The following RERE variants were observed in gnomAD, a reference collection of about 807,000 sequenced individuals.
RERE encodes arginine-glutamic acid dipeptide repeats protein.
A neutral mutation model predicts 146.1 loss-of-function variants in RERE; 40 were observed. That is an observed-to-expected ratio of 0.27 (90% CI 0.21 to 0.36). RERE has a LOEUF of 0.36. Among genes scored for constraint, RERE ranks in the 10% least tolerant of loss-of-function variants. RERE has a pLI of 1.00. For missense variants in RERE, 1,933 were observed against 2,138.7 expected (o/e 0.90, Z 1.90); for synonymous variants, 1,003 against 866.0 (o/e 1.16, Z -2.78).
chr1:8,715,783 A>G (rs1639752962), intron 1 of RERE, among the ~76,000 whole-genome samples: 1 of 152,010 alleles, frequency 6.6e-6, no homozygotes, highest in African/African-American at 2.4e-5. Context: ...GCGTGCCTAT[A>G]ATCCCAGCTA....
chr1:8,400,163 TAATATA>T (rs934722458), intron 12 of RERE, among the ~76,000 whole-genome samples: 4 of 150,270 alleles, frequency 2.7e-5, no homozygotes, highest in East Asian at 1.9e-4. Context: ...TCTACATTTT[TAATATA>T]AATATATCAC....
intron 6 of RERE, among the ~76,000 whole-genome samples, chr1:8,553,370 A>G (rs1036241301): frequency 6.6e-6 from 1 of 150,438 alleles, no homozygotes; most frequent in Non-Finnish European, 1.5e-5. Flanking sequence ...ACACACGTAA[A>G]ATTGCACCAT....
Position 8,508,581 on chromosome 1 carries a change from A to G in RERE, c.879+46T>C, listed in dbSNP as rs1397787618. Reference sequence around the variant, plus strand: ...AACAGAATAAAGTGCCAGCAGAGTAATAAGAAACAAAAACCTATTAAGGAA... The same window carrying G: ...AACAGAATAAAGTGCCAGCAGAGTAGTAAGAAACAAAAACCTATTAAGGAA... On this transcript the variant is annotated intron_variant, in intron 8 of 22. Coordinates refer to ENST00000400908, the MANE Select transcript of RERE (RefSeq NM_001042681.2). 5.7e-6 allele frequency: 8 copies of G among 1,402,016 alleles called. No homozygotes were observed. In the African/African-American group the frequency reaches 7.1e-5, roughly 13 times the overall value. 86.8% of individuals were successfully genotyped at this position (1,402,016 alleles called of 1,614,324 possible). A position where few individuals can be genotyped will look rare whatever the true frequency, so the allele number is the denominator to read the frequency against.
At chr1:8,721,560 T>A (rs1002058719) in intron 1 of RERE, among the ~76,000 whole-genome samples, 1 of 152,072 alleles carries the variant, frequency 6.6e-6, no homozygotes, top group African/African-American at 2.4e-5. Context: ...GGGATCTGCC[T>A]GCCTCAGCCT....
chr1:8,483,851 C>A (rs971886089), intron 10 of RERE, among the ~76,000 whole-genome samples: 1 of 152,180 alleles, frequency 6.6e-6, no homozygotes, highest in Non-Finnish European at 1.5e-5. Flanking sequence ...ATCCAAACGT[C>A]TAAAAGCCAC....
At chr1:8,474,147 G>A (rs995162304) in intron 10 of RERE, among the ~76,000 whole-genome samples, 4 of 152,184 alleles carry the variant, frequency 2.6e-5, no homozygotes, top group African/African-American at 9.7e-5. Flanking sequence ...CTTCTCGAAA[G>A]AATAAATAAT....
chr1:8,817,234 C>T lies in RERE; in HGVS notation c.-219G>A, dbSNP rs929608608. 41 of 152,164 alleles carry T rather than the reference C, an allele frequency of 2.7e-4. No individual in the cohort carries two copies. The Middle Eastern group carries it at 0.01, about 38-fold the overall frequency. The allele number at this position is 152,164 out of a possible 1,614,324, so 9.4% of individuals were successfully genotyped here. ...TCCGGGGAAAGTGGCGGGGATGGGG[C>T]GGGAGGCCGCGCGGAGGCTGCGGGG... is the stretch of plus-strand genomic sequence containing the variant. On this transcript the variant is annotated 5_prime_UTR_variant, in exon 1 of 23. Coordinates refer to ENST00000400908, the MANE Select transcript of RERE (RefSeq NM_001042681.2).
At chr1:8,629,694 T>C (rs922019893) in intron 2 of RERE, among the ~76,000 whole-genome samples, 2 of 152,142 alleles carry the variant, frequency 1.3e-5, no homozygotes, top group African/African-American at 4.8e-5. Flanking sequence ...CCCACTAATT[T>C]AGCAAGCAGT....
chr1:8,500,057 G>A (rs1645108972), intron 8 of RERE, among the ~76,000 whole-genome samples: 1 of 152,170 alleles, frequency 6.6e-6, no homozygotes, highest in Non-Finnish European at 1.5e-5. Context: ...GGAGGCGGAG[G>A]TTCCCGTGAG....
chr1:8,353,973 A>G lies in RERE; in HGVS notation c.*1114T>C, dbSNP rs954779713. On this transcript the variant is annotated 3_prime_UTR_variant, in exon 23 of 23. Coordinates refer to ENST00000400908, the MANE Select transcript of RERE (RefSeq NM_001042681.2). ...CTTCTAACACATCCCTTTGGCAGGC[A>G]TATGTCCTGGGTCACTTGTGTGCTG... 10 of 152,638 alleles carry G rather than the reference A, an allele frequency of 6.6e-5. No homozygotes were observed. The highest frequency in any genetic ancestry group is 3.9e-4 in the Admixed American group (6 of 15,278). The allele number at this position is 152,638 out of a possible 1,614,324, so 9.5% of individuals were successfully genotyped here. A position where few individuals can be genotyped will look rare whatever the true frequency, so the allele number is the denominator to read the frequency against.
rs749426617 is a variant in RERE at position 8,655,951 on chromosome 1, A to C, written c.325+22T>G. 1.9e-6 allele frequency: 3 copies of C among 1,606,926 alleles called. No individual in the cohort carries two copies. In the South Asian group the frequency reaches 3.3e-5, roughly 18 times the overall value. On this transcript the variant is annotated intron_variant, in intron 2 of 22. Transcript: ENST00000400908. ...TTCCCCCACTGTAAACATTGGCAAG[A>C]CCCAAACGTAAGGCTCCTTACCTCC...
intron 11 of RERE, among the ~76,000 whole-genome samples, chr1:8,462,016 T>C (rs960193368): frequency 6.6e-6 from 1 of 152,120 alleles, no homozygotes; most frequent in African/African-American, 2.4e-5. Flanking sequence ...AGCTATTTTA[T>C]TATGTTTTTA....
intron 7 of RERE, among the ~76,000 whole-genome samples, chr1:8,538,596 C>A (rs1645757709): frequency 1.3e-5 from 2 of 152,222 alleles, no homozygotes; most frequent in Admixed American, 6.5e-5. Flanking sequence ...AGCTCCACTG[C>A]TGCAAATGTC....
In RERE at chr1:8,364,235, C is replaced by T. The variant is rs1641710870; in HGVS notation, c.1561G>A (p.Gly521Arg). 1.2e-6 allele frequency: 2 copies of T among 1,614,042 alleles called. No individual in the cohort carries two copies. Among genetic ancestry groups the T allele is most frequent in the Non-Finnish European group, 8.5e-7 (1 of 1,180,038 alleles). The change falls in exon 15 of 23, where the codon GGA becomes AGA. Residue 521 changes from glycine to arginine, a missense_variant. By Grantham distance (125) the Gly-to-Arg change is moderately radical (BLOSUM62 -2). Coordinates refer to ENST00000400908, the MANE Select transcript of RERE (RefSeq NM_001042681.2). This position sits in a 1 kb window ranked among gnomAD's most constrained non-coding sequence, Gnocchi z 5.1. ...CAAAGCAGGATGTTCTCCCGGCCTC[C>T]GTGGTGCCAATCTTTGGAGGCTGTG... is the stretch of plus-strand genomic sequence containing the variant. ...FTTTSKDWHH[G>R]GRENILLCTD...
intron 7 of RERE, among the ~76,000 whole-genome samples, chr1:8,521,176 CA>C (rs36115526): frequency 8.8e-4 from 97 of 109,948 alleles, no homozygotes; most frequent in Middle Eastern, 0.011. Flanking sequence ...TTCTTTTTTT[CA>C]AAAAAAAAAA....
At chr1:8,522,932 T>C (rs1352023194) in intron 7 of RERE, among the ~76,000 whole-genome samples, 1 of 151,388 alleles carries the variant, frequency 6.6e-6, no homozygotes, top group African/African-American at 2.4e-5. Flanking sequence ...TCCTGGCACT[T>C]TGGGAGGCCA....
intron 1 of RERE, among the ~76,000 whole-genome samples, chr1:8,783,341 T>C (rs909543789): frequency 7.2e-5 from 11 of 152,154 alleles, no homozygotes; most frequent in Non-Finnish European, 1.5e-4. Flanking sequence ...ACTAAAAAAA[T>C]TTAAAAACTC....
chr1:8,434,158 A>G (rs1644135870), intron 11 of RERE, among the ~76,000 whole-genome samples: 1 of 152,200 alleles, frequency 6.6e-6, no homozygotes, highest in Non-Finnish European at 1.5e-5. Flanking sequence ...GATTAGCTAT[A>G]GAAACATAAC....
rs1553135244 is a variant in RERE, at chr1:8,694,978, G to GT, written c.-144-38538_-144-38537insA. The stretch of plus-strand genomic sequence containing the variant: ...AAAGAGCCAAAGAAATCCTAAGGGG[G>GT]GGGGGGGAATGCTGGCAGCATCACA... On this transcript the variant is annotated intron_variant, in intron 1 of 22. Transcript: ENST00000400908. Among the ~76,000 whole-genome samples, 5 of 94,532 alleles carry GT rather than the reference G, an allele frequency of 5.3e-5. 1 individual carries two copies. 62.0% of individuals were successfully genotyped at this position (94,532 alleles called of 152,430 possible).
Sources: allele counts gnomAD v4.1 joint callset (sites outside exome capture counted in the v4.1 genomes callset), GRCh38; gene constraint gnomAD v4.1.1; non-coding constraint Gnocchi (gnomAD v3.1); transcripts MANE v1.5; gene names NCBI Gene and HGNC (gene_info 2026-07-23, HGNC 2026-07-21).